PEAK1: variants seen among roughly 807,000 people sequenced by gnomAD.
PEAK1 encodes inactive tyrosine-protein kinase PEAK1.
A neutral mutation model predicts 124.7 loss-of-function variants in PEAK1; 54 were observed. The observed-to-expected ratio is 0.43, with a 90% CI of 0.35 to 0.54. PEAK1 has a LOEUF of 0.54. Among genes scored for constraint, PEAK1 ranks in the 20% least tolerant of loss-of-function variants. The pLI is 0.01. For missense variants in PEAK1, 2,046 were observed against 2,134.5 expected, an observed-to-expected ratio of 0.96 and a Z score of 0.82; for synonymous variants, 719 against 760.0, an observed-to-expected ratio of 0.95 and a Z score of 0.89.
rs575685280 is a variant in PEAK1, at chr15:77,291,822, A to G, written c.-602-5318T>C. ...GAAACCCCAACTCTACTAAAAATAC[A>G]AAAAATTAGCCCGGCATGTTGGTGG... is the stretch of plus-strand genomic sequence containing the variant. On this transcript the variant is annotated intron_variant, in intron 2 of 9. Transcript: ENST00000682557. 9.2e-5 allele frequency among the ~76,000 whole-genome samples: 14 copies of G among 152,136 alleles called. No individual in the cohort carries two copies. In the South Asian group the frequency reaches 2.7e-3, roughly 29 times the overall value.
intron 7 of PEAK1, among the ~76,000 whole-genome samples, chr15:77,173,687 C>T (rs187333279): frequency 6.6e-6 from 1 of 152,270 alleles, no homozygotes; most frequent in African/African-American, 2.4e-5. Context: ...TGTTTTACAC[C>T]CACTGGATTA....
chr15:77,278,515 G>T, intron 5 of PEAK1: 1 of 497,222 alleles, frequency 2.0e-6, no homozygotes, highest in South Asian at 1.5e-5. Flanking sequence ...AAGCCAAAGT[G>T]AGGGACAAAC....
In PEAK1 at chr15:77,109,668, C is replaced by G. The variant is rs1005671954; in HGVS notation, c.*4488G>C. 3 of 152,182 alleles carry G rather than the reference C, an allele frequency of 2.0e-5. No individual in the cohort carries two copies. Among genetic ancestry groups the G allele is most frequent in the Non-Finnish European group, 4.4e-5 (3 of 68,032 alleles). The allele number at this position is 152,182 out of a possible 1,614,324, so 9.4% of individuals were successfully genotyped here. On this transcript the variant is annotated 3_prime_UTR_variant, in exon 10 of 10. Coordinates refer to ENST00000682557, the MANE Select transcript of PEAK1 (RefSeq NM_001385026.1). The stretch of plus-strand genomic sequence containing the variant: ...CACTTGGATTTGTCTCGGCACAGCA[C>G]TTTGGGCCTTTGAGAATATGAGCTT...
chr15:77,270,244 C>T (rs904788985), intron 5 of PEAK1, among the ~76,000 whole-genome samples: 1 of 152,124 alleles, frequency 6.6e-6, no homozygotes, highest in Non-Finnish European at 1.5e-5. Context: ...TCTCTCACCA[C>T]TCCTATTCAA....
chr15:77,154,883 G>C (rs1165327533), intron 8 of PEAK1, among the ~76,000 whole-genome samples: 1 of 151,940 alleles, frequency 6.6e-6, no homozygotes, highest in East Asian at 1.9e-4. Flanking sequence ...TTCCCTTTGT[G>C]GGTAACCCGA....
chr15:77,328,486 C>T (rs1329869428), intron 2 of PEAK1, among the ~76,000 whole-genome samples: 2 of 151,944 alleles, frequency 1.3e-5, no homozygotes, highest in African/African-American at 2.4e-5. Context: ...AGGTTCTATT[C>T]GATAAAGAAG....
At chr15:77,404,185 G>C (rs962559875) in intron 1 of PEAK1, 150 of 985,384 alleles carry the variant, frequency 1.5e-4, no homozygotes, top group Non-Finnish European at 1.7e-4. Context: ...TGAGGCAAAG[G>C]TTTAACATCT....
intron 2 of PEAK1, among the ~76,000 whole-genome samples, chr15:77,290,561 T>C (rs1160476953): frequency 1.4e-5 from 2 of 144,710 alleles, no homozygotes; most frequent in African/African-American, 5.0e-5. Flanking sequence ...CTTCTTCTTC[T>C]TTTTTTTTTT....
chr15:77,194,437 C>A (rs1048626993), intron 6 of PEAK1, among the ~76,000 whole-genome samples: 1 of 152,096 alleles, frequency 6.6e-6, no homozygotes, highest in Non-Finnish European at 1.5e-5. Flanking sequence ...ACTGACTTAC[C>A]ATTTTTAAAG....
rs1160552144 is a variant in PEAK1 at position 77,250,555 on chromosome 15, C to G, written c.-115+1812G>C. ...TCACGCCACTCTCCTGCCTCAGCCT[C>G]CCGAGTAGCTGGGACTACAGGTGCC... On this transcript the variant is annotated intron_variant, in intron 6 of 9. Transcript: ENST00000682557. Among the ~76,000 whole-genome samples, 4 of 152,206 alleles carry G rather than the reference C, an allele frequency of 2.6e-5. No individual in the cohort carries two copies. In the South Asian group the frequency reaches 8.3e-4, roughly 32 times the overall value.
intron 2 of PEAK1, among the ~76,000 whole-genome samples, chr15:77,356,196 G>A (rs908260811): frequency 2.0e-5 from 3 of 152,180 alleles, no homozygotes; most frequent in African/African-American, 4.8e-5. Flanking sequence ...GTAGCTACAT[G>A]AGTATATGCA....
intron 9 of PEAK1, among the ~76,000 whole-genome samples, chr15:77,125,626 G>A (rs565954995): frequency 3.1e-4 from 47 of 152,168 alleles, no homozygotes; most frequent in Non-Finnish European, 5.4e-4. Context: ...GAAAAGGCAA[G>A]TAATGGCAAA....
In PEAK1 at chr15:77,266,116, G is replaced by T. The variant is rs567857553; in HGVS notation, c.-274-13590C>A. ...GGGGACTGTTGTGGGGTGGGGAGAGGGGGGAGGGATAGCATTTGGAGATAT... is the reference window on the plus strand; with the variant it reads ...GGGGACTGTTGTGGGGTGGGGAGAGTGGGGAGGGATAGCATTTGGAGATAT... On this transcript the variant is annotated intron_variant, in intron 5 of 9. Coordinates refer to ENST00000682557, the MANE Select transcript of PEAK1 (RefSeq NM_001385026.1). Among the ~76,000 whole-genome samples the T allele has an allele frequency of 4.6e-5, 7 of 152,164 alleles. No individual in the cohort carries two copies. In the South Asian group the frequency reaches 6.2e-4, roughly 14 times the overall value.
intron 7 of PEAK1, among the ~76,000 whole-genome samples, chr15:77,177,056 A>C (rs924871262): frequency 2.0e-5 from 3 of 152,150 alleles, no homozygotes. Context: ...CTCCCGGTTC[A>C]AGTGATTCTC....
intron 2 of PEAK1, among the ~76,000 whole-genome samples, chr15:77,364,177 C>T (rs1049774334): frequency 6.6e-6 from 1 of 151,800 alleles, no homozygotes; most frequent in Non-Finnish European, 1.5e-5. Context: ...CCAGCTTGGG[C>T]GAAAGAGACT....
intron 1 of PEAK1, among the ~76,000 whole-genome samples, chr15:77,409,072 AAAAC>A (rs1436063984): frequency 1.3e-5 from 2 of 152,270 alleles, no homozygotes; most frequent in Non-Finnish European, 1.5e-5. Context: ...CCCCATCTCA[AAAAC>A]AAACAAACAC....
intron 1 of PEAK1, among the ~76,000 whole-genome samples, chr15:77,397,724 G>A (rs1328716357): frequency 3.9e-5 from 6 of 152,158 alleles, no homozygotes; most frequent in Non-Finnish European, 1.5e-5. Flanking sequence ...TACAAAGATT[G>A]AATCATGAAG....
At chr15:77,158,902 A>G (rs2055388842) in intron 7 of PEAK1, among the ~76,000 whole-genome samples, 1 of 152,228 alleles carries the variant, frequency 6.6e-6, no homozygotes, top group Non-Finnish European at 1.5e-5. Context: ...TTGATAGAGC[A>G]GGTATGGTAG....
At chr15:77,305,572 A>G (rs2064053189) in intron 2 of PEAK1, among the ~76,000 whole-genome samples, 1 of 152,194 alleles carries the variant, frequency 6.6e-6, no homozygotes, top group Admixed American at 6.5e-5. Flanking sequence ...GATAATTACT[A>G]TGGAGTTTTT....
Sources: allele counts gnomAD v4.1 joint callset (sites outside exome capture counted in the v4.1 genomes callset), GRCh38; gene constraint gnomAD v4.1.1; transcripts MANE v1.5; gene names NCBI Gene and HGNC (gene_info 2026-07-23, HGNC 2026-07-21).